Variants in WDFY4 observed in about 807,000 individuals in gnomAD.
The protein encoded by WDFY4 is WD repeat- and FYVE domain-containing protein 4.
Under a neutral mutation model 351.9 loss-of-function variants are expected in WDFY4, and 169 were observed. That is an observed-to-expected ratio of 0.48 (90% CI 0.42 to 0.55). WDFY4 has a LOEUF of 0.55. WDFY4 is among the 20% of genes least tolerant of loss of function. The pLI is 0.00. For missense variants in WDFY4, 3,803 were observed against 3,935.6 expected (o/e 0.97, Z 0.90); for synonymous variants, 1,622 against 1,574.6 (o/e 1.03, Z -0.71).
chr10:48,864,264 T>G lies in WDFY4; in HGVS notation c.6664-3001T>G, dbSNP rs140098070. 3.9e-5 allele frequency among the ~76,000 whole-genome samples: 6 copies of G among 152,368 alleles called. No individual in the cohort carries two copies. In the East Asian group the frequency reaches 1.2e-3, roughly 29 times the overall value. ...TCATTTTAAGTTAATTTTTGTATGTTATGCAGTAAAGGTTTAACTTCATTA... is the reference window on the plus strand; with the variant it reads ...TCATTTTAAGTTAATTTTTGTATGTGATGCAGTAAAGGTTTAACTTCATTA... On this transcript the variant is annotated intron_variant, in intron 39 of 61. Coordinates refer to ENST00000325239, the MANE Select transcript of WDFY4 (RefSeq NM_001394531.1).
At chr10:48,931,103 AC>A (rs1839975003) in intron 47 of WDFY4, among the ~76,000 whole-genome samples, 1 of 3,540 alleles carries the variant, frequency 2.8e-4, no homozygotes, top group African/African-American at 3.4e-4. Flanking sequence ...TCAAACACAC[AC>A]ACACACACAC....
At chr10:48,937,770 G>C (rs1168170601) in intron 47 of WDFY4, among the ~76,000 whole-genome samples, 3 of 152,178 alleles carry the variant, frequency 2.0e-5, no homozygotes, top group Admixed American at 2.0e-4. Flanking sequence ...GGTTTGAAAG[G>C]GTACGTCTGT....
chr10:48,851,978 G>A (rs931392607), intron 39 of WDFY4, among the ~76,000 whole-genome samples: 3 of 152,248 alleles, frequency 2.0e-5, no homozygotes, highest in Non-Finnish European at 2.9e-5. Context: ...CTACTCCAAA[G>A]GTTCTCAAAC....
chr10:48,740,729 A>G (rs894503524), intron 11 of WDFY4, among the ~76,000 whole-genome samples: 1 of 152,116 alleles, frequency 6.6e-6, no homozygotes, highest in Non-Finnish European at 1.5e-5. Flanking sequence ...CTGGGAAGTC[A>G]ATTTCCCTGA....
chr10:48,814,244 C>A (rs1044742077), intron 31 of WDFY4, among the ~76,000 whole-genome samples, 162 bp downstream of exon 31: 1 of 152,242 alleles, frequency 6.6e-6, no homozygotes, highest in Non-Finnish European at 1.5e-5. Context: ...CTCAGGGGCA[C>A]AACTGGAAAC....
At chr10:48,965,991 A>AT (rs1842065039) in intron 54 of WDFY4, among the ~76,000 whole-genome samples, 1 of 152,168 alleles carries the variant, frequency 6.6e-6, no homozygotes, top group Admixed American at 6.5e-5. Flanking sequence ...GCACAATCTG[A>AT]TGGCAGAGAT....
Position 48,814,089 on chromosome 10 carries a change from C to A in WDFY4, c.5340+7C>A, listed in dbSNP as rs1357390744. 1.3e-6 allele frequency: 2 copies of A among 1,538,186 alleles called. No homozygotes were observed. Among genetic ancestry groups the A allele is most frequent in the East Asian group, 2.5e-5 (1 of 40,592 alleles). Reference sequence around the variant, plus strand: ...GAAGGCCACCATGAGCCAGGTGAGACCCATTCCCCACATGCTGCCCCGAGG... The same window carrying A: ...GAAGGCCACCATGAGCCAGGTGAGAACCATTCCCCACATGCTGCCCCGAGG... On this transcript the variant is annotated splice_region_variant and intron_variant, in intron 31 of 61. Transcript: ENST00000325239.
intron 6 of WDFY4, among the ~76,000 whole-genome samples, 183 bp downstream of exon 6, chr10:48,726,253 C>T (rs2064264287): frequency 6.6e-6 from 1 of 152,212 alleles, no homozygotes; most frequent in African/African-American, 2.4e-5. Flanking sequence ...TTCTACATGG[C>T]TTGGCTCCCT....
At position 48,790,780 on chromosome 10, in the gene WDFY4, G is replaced by A. The variant is rs766873759; in HGVS notation, c.4120G>A (p.Gly1374Arg). 2.6e-6 allele frequency: 4 copies of A among 1,551,738 alleles called. No homozygotes were observed. The highest frequency in any genetic ancestry group is 2.4e-5 in the East Asian group (1 of 40,930). ...PAASSLDFIG[G>R]PAILLGLISL... ...TGCCAGCAGCCTGGACTTCATTGGCGGGCCTGCCATCCTCCTGGGCCTCAT... is the reference window on the plus strand; with the variant it reads ...TGCCAGCAGCCTGGACTTCATTGGCAGGCCTGCCATCCTCCTGGGCCTCAT... The change falls in exon 23 of 62, where the codon GGG becomes AGG. Residue 1374 changes from glycine to arginine, a missense_variant. This residue lies in a region of WDFY4 where 3,054 missense variants were observed against 3,148.6 expected (regional missense o/e 0.97). Coordinates refer to ENST00000325239, the MANE Select transcript of WDFY4 (RefSeq NM_001394531.1).
chr10:48,733,818 G>C (rs1008611939), intron 9 of WDFY4, 113 bp from the exon 10 acceptor site: 2 of 929,082 alleles, frequency 2.2e-6, no homozygotes, highest in African/African-American at 1.7e-5. Context: ...ACTCCCTTAT[G>C]ATGAAAGCAT....
At chr10:48,874,335 GAT>G (rs1178982068) in intron 41 of WDFY4, among the ~76,000 whole-genome samples, 2 of 152,174 alleles carry the variant, frequency 1.3e-5, no homozygotes, top group Non-Finnish European at 2.9e-5. Context: ...TTTGGTAGTA[GAT>G]ATAGGAAATC....
At chr10:48,856,474 TTTC>T (rs753711120) in intron 39 of WDFY4, among the ~76,000 whole-genome samples, 11 of 152,178 alleles carry the variant, frequency 7.2e-5, no homozygotes. Context: ...TGATTCTTTT[TTTC>T]TTCTTCTTTT....
chr10:48,927,450 G>A (rs527990171), intron 47 of WDFY4, among the ~76,000 whole-genome samples: 10 of 152,150 alleles, frequency 6.6e-5, no homozygotes, highest in Non-Finnish European at 1.5e-4. Flanking sequence ...TGTGGGATGC[G>A]TTCTTCCCAT....
chr10:48,963,165 C>A (rs1841936250), intron 53 of WDFY4, among the ~76,000 whole-genome samples: 1 of 152,168 alleles, frequency 6.6e-6, no homozygotes, highest in Non-Finnish European at 1.5e-5. Context: ...ATACCTGCCA[C>A]CAAAAGGCGG....
chr10:48,854,530 C>G (rs2069070564), intron 39 of WDFY4, among the ~76,000 whole-genome samples: 1 of 152,190 alleles, frequency 6.6e-6, no homozygotes, highest in South Asian at 2.1e-4. Flanking sequence ...ATCCTAGCTT[C>G]ATAACATCTC....
chr10:48,941,503 T>C (rs901148053), intron 47 of WDFY4, among the ~76,000 whole-genome samples: 4 of 152,170 alleles, frequency 2.6e-5, no homozygotes, highest in African/African-American at 9.7e-5. Flanking sequence ...GTGTGGGTTG[T>C]GAAGGAGGCC....
At chr10:48,941,570 A>G (rs1243829396) in intron 47 of WDFY4, among the ~76,000 whole-genome samples, 2 of 152,248 alleles carry the variant, frequency 1.3e-5, no homozygotes, top group Admixed American at 1.3e-4. Context: ...TTGTTCTGGC[A>G]TCACAGCGGA....
chr10:48,762,429 A>C (rs1431311619), intron 13 of WDFY4, among the ~76,000 whole-genome samples: 1 of 152,244 alleles, frequency 6.6e-6, no homozygotes, highest in South Asian at 2.1e-4. Context: ...AGAGATACAC[A>C]TAACAGTGAG....
Position 48,811,630 on chromosome 10 carries a change from C to T in WDFY4, c.5136C>T (p.Val1712=), listed in dbSNP as rs182756502. 4.5e-6 allele frequency: 7 copies of T among 1,551,838 alleles called. No homozygotes were observed. In the Admixed American group the frequency reaches 1.4e-4, roughly 30 times the overall value. The change falls in exon 30 of 62, where the codon GTC becomes GTT. Residue 1712 remains valine, a synonymous_variant. Coordinates refer to ENST00000325239, the MANE Select transcript of WDFY4 (RefSeq NM_001394531.1). ...TGAATGACTTTCTGGCCCACCACGT[C>T]CACATTCCAGAGGTCTACCTCATCG... ...RVLNDFLAHH[V]HIPEVYLIVS...
Sources: allele counts gnomAD v4.1 joint callset (sites outside exome capture counted in the v4.1 genomes callset), GRCh38; gene constraint gnomAD v4.1.1; regional missense constraint gnomAD v4.1.1; transcripts MANE v1.5; gene names NCBI Gene and HGNC (gene_info 2026-07-23, HGNC 2026-07-21).